Variants in ESCO1 observed in about 807,000 individuals in gnomAD.
ESCO1 encodes the protein establishment of sister chromatid cohesion N-acetyltransferase 1, also known as N-acetyltransferase ESCO1.
Under a neutral mutation model 83.5 loss-of-function variants are expected in ESCO1, and 33 were observed. The ratio of observed to expected loss-of-function variants is 0.40; its 90% confidence interval spans 0.30 to 0.53. The LOEUF (loss-of-function observed/expected upper bound fraction) is 0.53. Among genes scored for constraint, ESCO1 ranks in the 20% least tolerant of loss-of-function variants. The probability of loss-of-function intolerance (pLI) is 0.63; values close to 1 mark genes in which losing one functional copy is unlikely to be tolerated. For synonymous variants in ESCO1, 332 were observed against 324.3 expected (o/e 1.02, Z -0.25); for missense variants, 855 against 968.0 (o/e 0.88, Z 1.55).
Position 21,574,187 on chromosome 18 carries a change from T to C in ESCO1, c.657A>G (p.Gln219=), listed in dbSNP as rs369896025. Residue 219 remains glutamine (Q), a synonymous_variant, in exon 4 of 12, where the codon CAA becomes CAG. Coordinates refer to ENST00000269214, the MANE Select transcript of ESCO1 (RefSeq NM_052911.3). ...GACACTTTTCAGATCCTTGCGTGCA[T>C]TGAGAACTACAAGCACAAGCTGTCT... ...EHQTACACSS[Q]CTQGSEKCPQ... is the part of the protein sequence containing the mutation. 1.3e-4 allele frequency: 210 copies of C among 1,613,902 alleles called. 1 individual carries two copies. The highest frequency in any genetic ancestry group is 1.6e-4 in the Non-Finnish European group (194 of 1,179,992).
In ESCO1 at chr18:21,573,342, T is replaced by A. The variant is rs201775499; in HGVS notation, c.1502A>T (p.Lys501Ile). 6.9e-5 allele frequency: 109 copies of A among 1,581,016 alleles called. No individual in the cohort carries two copies. The highest frequency in any genetic ancestry group is 4.7e-5 in the Non-Finnish European group (55 of 1,171,314). The change falls in exon 4 of 12, where the codon AAA (lysine) becomes ATA (isoleucine). Residue 501 changes from lysine to isoleucine, a missense_variant. Lys to Ile is a moderately radical substitution (Grantham distance 102, BLOSUM62 -3). Transcript: ENST00000269214. ...ATTTGATGCTGAATCAAAAGAATGT[T>A]TCATCTGATTATCCAATGGTGGGTC... Reference protein sequence around the residue: ...PSDPPLDNQMKHSFDSASNKN... With the variant: ...PSDPPLDNQMIHSFDSASNKN...
At chr18:21,581,331 A>C (rs921953701) in intron 2 of ESCO1, among the ~76,000 whole-genome samples, 2 of 150,960 alleles carry the variant, frequency 1.3e-5, no homozygotes, top group Admixed American at 6.6e-5. Flanking sequence ...AAAAGAAAAA[A>C]AAAAACAGGG....
chr18:21,539,513 G>T (rs1368060045), intron 9 of ESCO1, among the ~76,000 whole-genome samples: 1 of 152,116 alleles, frequency 6.6e-6, no homozygotes, highest in Non-Finnish European at 1.5e-5. Context: ...TTCAGAATAG[G>T]TGTTTCAATA....
At chr18:21,596,915 T>C (rs2146241713) in intron 1 of ESCO1, 1 of 152,244 alleles carries the variant, frequency 6.6e-6, no homozygotes, top group East Asian at 1.9e-4. Context: ...CCCTTCAGTT[T>C]CAACAACTAC....
chr18:21,557,616 C>T (rs1219406233), intron 8 of ESCO1, among the ~76,000 whole-genome samples: 1 of 152,136 alleles, frequency 6.6e-6, no homozygotes, highest in East Asian at 1.9e-4. Flanking sequence ...GTGCTCTCCA[C>T]ACAACATTCA....
At chr18:21,533,304 G>C (rs2037791319) in intron 10 of ESCO1, among the ~76,000 whole-genome samples, 1 of 151,346 alleles carries the variant, frequency 6.6e-6, no homozygotes, top group Non-Finnish European at 1.5e-5. Flanking sequence ...TGTTTTTTTT[G>C]TTTTTTCTTT....
intron 11 of ESCO1, among the ~76,000 whole-genome samples, chr18:21,531,893 CAAAAA>C (rs10646843): frequency 4.9e-5 from 4 of 82,038 alleles, no homozygotes; most frequent in Admixed American, 1.6e-4. Context: ...GACTCCATCT[CAAAAA>C]AAAAAAAAAA....
intron 8 of ESCO1, among the ~76,000 whole-genome samples, chr18:21,560,236 T>C (rs566499903): frequency 2.0e-4 from 31 of 152,158 alleles, no homozygotes; most frequent in Non-Finnish European, 3.4e-4. Context: ...TTTTGCTATT[T>C]CCACAAATAT....
intron 9 of ESCO1, among the ~76,000 whole-genome samples, chr18:21,539,435 T>C (rs1433210368): frequency 3.9e-5 from 6 of 152,206 alleles, no homozygotes; most frequent in African/African-American, 7.2e-5. Flanking sequence ...ATTCATATAC[T>C]GGACACACTA....
chr18:21,564,112 T>C lies in ESCO1; in HGVS notation c.1821+91A>G, dbSNP rs2038226370. 3 of 844,980 alleles carry C rather than the reference T, an allele frequency of 3.6e-6. No individual in the cohort carries two copies. In the South Asian group the frequency reaches 4.8e-5, roughly 13 times the overall value. The allele number at this position is 844,980 out of a possible 1,614,324, so 52.3% of individuals were successfully genotyped here. A position where few individuals can be genotyped will look rare whatever the true frequency, so the allele number is the denominator to read the frequency against. ...AAATAAACCTCTTTTCTATAAAAAT[T>C]ACCAACCTCAGATATCGTATTATAG... is the stretch of plus-strand genomic sequence containing the variant. On this transcript the variant is annotated intron_variant, in intron 7 of 11. Transcript: ENST00000269214.
chr18:21,579,597 C>G (rs1257168373), intron 2 of ESCO1, among the ~76,000 whole-genome samples: 1 of 151,566 alleles, frequency 6.6e-6, no homozygotes, highest in Non-Finnish European at 1.5e-5. Flanking sequence ...TGGTGAAACC[C>G]TGTCTCTACT....
At chr18:21,582,426 T>TC in intron 2 of ESCO1, among the ~76,000 whole-genome samples, 1 of 152,142 alleles carries the variant, frequency 6.6e-6, no homozygotes, top group Non-Finnish European at 1.5e-5. Context: ...AAATGGGGTT[T>TC]CACCATGTTA....
intron 8 of ESCO1, among the ~76,000 whole-genome samples, chr18:21,558,742 A>C (rs959346497): frequency 7.9e-5 from 12 of 152,080 alleles, no homozygotes; most frequent in South Asian, 6.2e-4. Flanking sequence ...AAAAAAAAAA[A>C]AAAAAACTTG....
rs993562049 is a variant in ESCO1 at position 21,573,053 on chromosome 18, G to T, written c.1530+261C>A. On this transcript the variant is annotated intron_variant, in intron 4 of 11. Coordinates refer to ENST00000269214, the MANE Select transcript of ESCO1 (RefSeq NM_052911.3). ...TGTGTTAAATTTAAAAGAAAAGCTGGAATTCAACCGGCTTATGCTTACATA... is the reference window on the plus strand; with the variant it reads ...TGTGTTAAATTTAAAAGAAAAGCTGTAATTCAACCGGCTTATGCTTACATA... Among the ~76,000 whole-genome samples the T allele has an allele frequency of 2.0e-5, 3 of 151,724 alleles. No homozygotes were observed. The East Asian group carries it at 5.8e-4, about 29-fold the overall frequency.
At chr18:21,568,380 G>A (rs1419864405) in intron 4 of ESCO1, among the ~76,000 whole-genome samples, 3 of 152,106 alleles carry the variant, frequency 2.0e-5, no homozygotes, top group Non-Finnish European at 2.9e-5. Flanking sequence ...AAGCCCAGGG[G>A]TTTGAAGCCA....
chr18:21,547,353 G>GA lies in ESCO1; in HGVS notation c.1954-7345dup, dbSNP rs34904471. Among the ~76,000 whole-genome samples, 794 of 136,558 alleles carry GA rather than the reference G, an allele frequency of 5.8e-3. 10 individuals carry two copies. Among genetic ancestry groups the GA allele is most frequent in the African/African-American group, 0.02 (760 of 37,452 alleles). The allele number at this position is 136,558 out of a possible 152,430, so 89.6% of individuals were successfully genotyped here. On this transcript the variant is annotated intron_variant, in intron 8 of 11. Transcript: ENST00000269214. ...GATTACTGTCATTGCTTACAGATTT[G>GA]AAAAAAAAAAAAAAACTAAAGAGAA...
chr18:21,591,848 G>C (rs2038675106), intron 1 of ESCO1, among the ~76,000 whole-genome samples: 1 of 151,496 alleles, frequency 6.6e-6, no homozygotes, highest in Admixed American at 6.6e-5. Context: ...CTGGGTACTT[G>C]AGATTAGGGA....
chr18:21,570,792 C>T (rs920209277), intron 4 of ESCO1, among the ~76,000 whole-genome samples: 20 of 152,066 alleles, frequency 1.3e-4, no homozygotes, highest in East Asian at 5.8e-4. Flanking sequence ...TCCTGGCCAA[C>T]GGGTGAAACC....
rs536091954 is a variant in ESCO1 at position 21,582,232 on chromosome 18, CT to C, written c.-694+2077del. 2.8e-3 allele frequency among the ~76,000 whole-genome samples: 398 copies of C among 142,754 alleles called. 1 individual carries two copies. Among genetic ancestry groups the C allele is most frequent in the Middle Eastern group, 7.2e-3 (2 of 276 alleles). The allele number at this position is 142,754 out of a possible 152,430, so 93.7% of individuals were successfully genotyped here. A position where few individuals can be genotyped will look rare whatever the true frequency, so the allele number is the denominator to read the frequency against. ...AAACACAGATTAAAGTATGGGAAAT[CT>C]TTTTTTTTTTTTTGAGATGGAGTTT... On this transcript the variant is annotated intron_variant, in intron 2 of 11. Coordinates refer to ENST00000269214, the MANE Select transcript of ESCO1 (RefSeq NM_052911.3).
Sources: allele counts gnomAD v4.1 joint callset (sites outside exome capture counted in the v4.1 genomes callset), GRCh38; gene constraint gnomAD v4.1.1; transcripts MANE v1.5; gene names NCBI Gene and HGNC (gene_info 2026-07-23, HGNC 2026-07-21).